WDR35: variants seen among roughly 807,000 people sequenced by gnomAD.
WDR35 encodes the protein WD repeat domain 35, also known as WD repeat-containing protein 35.
WDR35 carries 118 observed loss-of-function variants against 158.3 expected under a neutral mutation model. That is an observed-to-expected ratio of 0.75 (90% CI 0.64 to 0.87). The LOEUF is 0.87. WDR35 is among the 40% of genes least tolerant of loss of function. WDR35 has a pLI of 0.00. For missense variants in WDR35, 1,263 were observed against 1,405.8 expected, an observed-to-expected ratio of 0.90 and a Z score of 1.62; for synonymous variants, 448 against 476.1, an observed-to-expected ratio of 0.94 and a Z score of 0.77.
At chr2:19,969,672 A>C in intron 8 of WDR35, 67 bp from the exon 9 acceptor site, 2 of 1,522,986 alleles carry the variant, frequency 1.3e-6, no homozygotes, top group Non-Finnish European at 1.8e-6. Context: ...ACCACCAATC[A>C]CTTCACAGAG....
intron 25 of WDR35, among the ~76,000 whole-genome samples, chr2:19,926,479 T>C (rs901116381): frequency 6.6e-6 from 1 of 152,258 alleles, no homozygotes; most frequent in African/African-American, 2.4e-5. Context: ...ATGTGATATC[T>C]GATTCTTCAT....
intron 19 of WDR35, 82 bp from the exon 20 acceptor site, chr2:19,936,447 T>C: frequency 3.1e-6 from 5 of 1,595,986 alleles, no homozygotes; most frequent in Non-Finnish European, 3.4e-6. Context: ...GGTACAGTTC[T>C]AGGTGCTGAG....
At chr2:19,976,775 T>C (rs916597859) in intron 5 of WDR35, among the ~76,000 whole-genome samples, 1 of 151,622 alleles carries the variant, frequency 6.6e-6, no homozygotes, top group East Asian at 1.9e-4. Flanking sequence ...CTAAGACTCT[T>C]ATATTTCTCG....
At chr2:19,979,972 T>G (rs1672333863) in intron 4 of WDR35, among the ~76,000 whole-genome samples, 1 of 152,168 alleles carries the variant, frequency 6.6e-6, no homozygotes, top group Non-Finnish European at 1.5e-5. Flanking sequence ...GAACATGTAT[T>G]ATGAGCTGCT....
chr2:19,987,946 A>C (rs1470905648), intron 2 of WDR35, among the ~76,000 whole-genome samples: 1 of 152,132 alleles, frequency 6.6e-6, no homozygotes, highest in Admixed American at 6.5e-5. Flanking sequence ...GAAACAGAGA[A>C]AAACTTTCTT....
intron 25 of WDR35, among the ~76,000 whole-genome samples, chr2:19,920,500 T>C (rs1249992877): frequency 6.6e-6 from 1 of 152,204 alleles, no homozygotes; most frequent in Non-Finnish European, 1.5e-5. Context: ...TCTCAATAGA[T>C]GCAGAAAAAG....
chr2:19,973,533 A>G, intron 8 of WDR35, 30 bp downstream of exon 8: 5 of 1,613,998 alleles, frequency 3.1e-6, no homozygotes, highest in Non-Finnish European at 3.4e-6. Context: ...TTTAAATAGA[A>G]AGAAAGAAGA....
chr2:19,919,392 A>G (rs1250402726), intron 25 of WDR35, among the ~76,000 whole-genome samples: 2 of 146,096 alleles, frequency 1.4e-5, no homozygotes, highest in South Asian at 2.2e-4. Flanking sequence ...AAAAAAAAAA[A>G]AAAAAAGAAA....
At chr2:19,975,700 T>A in intron 5 of WDR35, 37 bp from the exon 6 acceptor site, 1 of 1,613,632 alleles carries the variant, frequency 6.2e-7, no homozygotes, top group Non-Finnish European at 8.5e-7. Flanking sequence ...TTCAAGGTCA[T>A]GATCCTCCAA....
chr2:19,952,461 CA>C (rs1671270372), intron 12 of WDR35, among the ~76,000 whole-genome samples: 1 of 152,198 alleles, frequency 6.6e-6, no homozygotes, highest in Non-Finnish European at 1.5e-5. Flanking sequence ...ACACATATCC[CA>C]GACAGAAACA....
rs774694419 is a variant in WDR35 at position 19,978,794 on chromosome 2, G to A, written c.393C>T (p.Cys131=). 9.3e-6 allele frequency: 15 copies of A among 1,613,706 alleles called. 1 individual carries two copies. The South Asian group carries it at 1.6e-4, about 18-fold the overall frequency. The change falls in exon 5 of 27, where the codon TGC becomes TGT. Residue 131 remains cysteine (C), a synonymous_variant. Transcript: ENST00000281405. ...MSWNADGQKI[C]IVYEDGAVIV... is the part of the protein sequence containing the mutation. ...TCACAGCCCCATCTTCATATACAAT[G>A]CAGATCTTCTGTCCGTCAGCATTCC...
intron 8 of WDR35, among the ~76,000 whole-genome samples, chr2:19,971,227 C>T (rs750735873): frequency 1.3e-5 from 2 of 152,096 alleles, no homozygotes; most frequent in South Asian, 4.1e-4. Context: ...TAAGCAGATA[C>T]CCTCTAGGGT....
intron 2 of WDR35, among the ~76,000 whole-genome samples, chr2:19,986,435 G>A (rs1349764464): frequency 1.3e-5 from 2 of 152,218 alleles, no homozygotes; most frequent in African/African-American, 4.8e-5. Context: ...TCTAATAGAA[G>A]AGGGAAATCT....
rs10153717 is a variant in WDR35 at position 19,973,494 on chromosome 2, A to C, written c.882+69T>G. On this transcript the variant is annotated intron_variant, in intron 8 of 26. Coordinates refer to ENST00000281405, the MANE Select transcript of WDR35 (RefSeq NM_020779.4). ...ATAAGTTTACACCGTTTCCTTTGTT[A>C]TTTTTTCCTCTACCTTACTCACTGC... is the stretch of plus-strand genomic sequence containing the variant. 997,953 of 1,601,336 alleles carry C rather than the reference A, an allele frequency of 0.62. 315,088 individuals are homozygous for C. Among genetic ancestry groups the C allele is most frequent in the East Asian group, 0.9 (40,470 of 44,746 alleles).
At chr2:19,927,182 G>A (rs920590962) in intron 25 of WDR35, among the ~76,000 whole-genome samples, 1 of 152,170 alleles carries the variant, frequency 6.6e-6, no homozygotes, top group Non-Finnish European at 1.5e-5. Flanking sequence ...ATCTTGGCTG[G>A]CAATAATGCC....
At chr2:19,938,171 C>T (rs1670759926) in intron 18 of WDR35, 94 bp downstream of exon 18, 8 of 1,545,490 alleles carry the variant, frequency 5.2e-6, no homozygotes, top group Non-Finnish European at 3.6e-6. Flanking sequence ...GAAGTCTGCT[C>T]CCATCAGGAG....
chr2:19,948,126 G>T (rs1671114112), intron 14 of WDR35, 38 bp downstream of exon 14: 1 of 1,499,614 alleles, frequency 6.7e-7, no homozygotes, highest in Non-Finnish European at 9.1e-7. Flanking sequence ...ATAATTTAAA[G>T]AATTATTATT....
Position 19,936,600 on chromosome 2 carries a change from T to C in WDR35, c.2268-235A>G, listed in dbSNP as rs180984078. Among the ~76,000 whole-genome samples the C allele has an allele frequency of 9.8e-5, 15 of 152,314 alleles. No individual in the cohort carries two copies. In the East Asian group the frequency reaches 2.9e-3, roughly 29 times the overall value. On this transcript the variant is annotated intron_variant, in intron 19 of 26. Transcript: ENST00000281405. ...TCATGTTAAAACTTAATCTCCATTG[T>C]GGTAGTATTAAGAGGTGGGGTTTCT...
chr2:19,916,031 T>A (rs1355368239), intron 25 of WDR35, among the ~76,000 whole-genome samples: 2 of 152,100 alleles, frequency 1.3e-5, no homozygotes, highest in African/African-American at 4.8e-5. Flanking sequence ...GATTTCCGCA[T>A]TTCCAACTGA....
Sources: allele counts gnomAD v4.1 joint callset (sites outside exome capture counted in the v4.1 genomes callset), GRCh38; gene constraint gnomAD v4.1.1; transcripts MANE v1.5; gene names NCBI Gene and HGNC (gene_info 2026-07-23, HGNC 2026-07-21).